Variants in CDC25C observed in about 807,000 individuals in gnomAD.
CDC25C encodes the protein M-phase inducer phosphatase 3.
In CDC25C, 48 loss-of-function variants were observed where a neutral mutation model predicts 52.5. That is an observed-to-expected ratio of 0.91 (90% CI 0.72 to 1.16). The LOEUF is 1.16. Ranked by LOEUF, CDC25C falls within the 50% of genes most tolerant of loss-of-function variation. CDC25C has a pLI of 0.00. For synonymous variants in CDC25C, 187 were observed against 206.5 expected, an observed-to-expected ratio of 0.91 and a Z score of 0.81; for missense variants, 510 against 566.1, an observed-to-expected ratio of 0.90 and a Z score of 1.01.
Position 138,289,505 on chromosome 5 carries a change from T to G in CDC25C, c.923A>C (p.Glu308Ala). The change falls in exon 10 of 14, where the codon GAA becomes GCA. Residue 308 changes from glutamate to alanine, a missense_variant. By Grantham distance (107) the Glu-to-Ala change is moderately radical (BLOSUM62 -1). Transcript: ENST00000323760. The part of the protein sequence containing the change: ...KHQDLKYVNP[E>A]TVAALLSGKF... ...CATCTCCAGAAATCTGCTTACTGTT[T>G]CTGGGTTGACATACTTCAGATCTTG... The G allele has an allele frequency of 1.2e-6, 2 of 1,612,596 alleles. No homozygotes were observed. The highest frequency in any genetic ancestry group is 1.7e-6 in the Non-Finnish European group (2 of 1,178,602).
At chr5:138,320,359 T>C (rs1306386227) in intron 6 of CDC25C, among the ~76,000 whole-genome samples, 1 of 151,934 alleles carries the variant, frequency 6.6e-6, no homozygotes, top group Admixed American at 6.6e-5. Context: ...GCAGATTTTG[T>C]ACACCTATGT....
intron 2 of CDC25C, among the ~76,000 whole-genome samples, chr5:138,330,159 C>T (rs1210368511): frequency 6.6e-6 from 1 of 152,018 alleles, no homozygotes; most frequent in Non-Finnish European, 1.5e-5. Flanking sequence ...ATAATCTGTA[C>T]TTTATTTTCT....
chr5:138,292,566 A>AGG (rs1756838151), intron 7 of CDC25C, among the ~76,000 whole-genome samples: 1 of 152,044 alleles, frequency 6.6e-6, no homozygotes, highest in African/African-American at 2.4e-5. Flanking sequence ...GGACCTCAAC[A>AGG]AACCTAAAGA....
intron 13 of CDC25C, 21 bp from the exon 14 acceptor site, chr5:138,285,862 T>A: frequency 6.2e-7 from 1 of 1,613,080 alleles, no homozygotes; most frequent in Non-Finnish European, 8.5e-7. Context: ...AGGAACAGAG[T>A]AAGGGATTCT....
intron 7 of CDC25C, among the ~76,000 whole-genome samples, chr5:138,300,751 C>G (rs1376044900): frequency 6.6e-6 from 1 of 152,068 alleles, no homozygotes; most frequent in Non-Finnish European, 1.5e-5. Flanking sequence ...CCATAAAAAC[C>G]AATCTTAATG....
chr5:138,295,812 G>A (rs1043642185), intron 7 of CDC25C, among the ~76,000 whole-genome samples: 3 of 152,012 alleles, frequency 2.0e-5, no homozygotes, highest in Non-Finnish European at 2.9e-5. Context: ...AGGATCATCT[G>A]GCTTAGATAG....
rs1282888258 is a variant in CDC25C at position 138,331,734 on chromosome 5, TGGGTAGGCCAACGTC to T, written c.-193_-179del. 3.0e-6 allele frequency: 3 copies of T among 989,152 alleles called. No homozygotes were observed. The African/African-American group carries it at 5.2e-5, about 17-fold the overall frequency. 61.3% of individuals were successfully genotyped at this position (989,152 alleles called of 1,614,324 possible). On this transcript the variant is annotated 5_prime_UTR_variant, in exon 1 of 14. Transcript: ENST00000323760. ...CTAGATTGCAGCTCTGCCTTCCGAC[TGGGTAGGCCAACGTC>T]GGACTCAGAGTCTTCCCTGAGCAGA...
upstream of CDC25C, among the ~76,000 whole-genome samples, chr5:138,333,994 C>T (rs1047871993): frequency 5.3e-5 from 8 of 151,758 alleles, no homozygotes; most frequent in Non-Finnish European, 1.0e-4. Context: ...AGTACAGTGG[C>T]GCAATCTTGG....
At chr5:138,291,738 G>A (rs1210958254) in intron 8 of CDC25C, among the ~76,000 whole-genome samples, 1 of 150,552 alleles carries the variant, frequency 6.6e-6, no homozygotes, top group African/African-American at 2.4e-5. Context: ...ATTTCTAAAA[G>A]TACAATATAG....
chr5:138,305,908 A>T (rs2126729421), intron 7 of CDC25C, among the ~76,000 whole-genome samples: 1 of 152,310 alleles, frequency 6.6e-6, no homozygotes, highest in Non-Finnish European at 1.5e-5. Context: ...CAAAAAGCAA[A>T]GGGTTGGTCC....
chr5:138,308,298 A>T (rs548014338), intron 7 of CDC25C, among the ~76,000 whole-genome samples: 9 of 152,230 alleles, frequency 5.9e-5, no homozygotes, highest in Non-Finnish European at 1.3e-4. Flanking sequence ...CCAGAGAAAG[A>T]TTCAATTATG....
At chr5:138,321,508 CTTTGGGAGGCCGAGGCAGGTGG>C (rs2126802770) in intron 6 of CDC25C, among the ~76,000 whole-genome samples, 1 of 152,134 alleles carries the variant, frequency 6.6e-6, no homozygotes, top group Admixed American at 6.6e-5. Context: ...AATCCCAGCA[CTTTGGGAGGCCGAGGCAGGTGG>C]ATCACGAGGT....
chr5:138,310,409 A>G (rs556415591), intron 7 of CDC25C, among the ~76,000 whole-genome samples: 68 of 151,892 alleles, frequency 4.5e-4, no homozygotes, highest in African/African-American at 1.6e-3. Flanking sequence ...CACTTTTAAG[A>G]CTCTCGCCTC....
chr5:138,333,786 C>T (rs1282400166), upstream of CDC25C: 1 of 152,116 alleles, frequency 6.6e-6, no homozygotes, highest in Middle Eastern at 3.2e-3. Context: ...AGCCAAGTGG[C>T]TTTAGTTCAA....
At chr5:138,329,773 C>G (rs3734167) in intron 2 of CDC25C, 126 bp from the exon 3 acceptor site, 120,061 of 483,360 alleles carry the variant, frequency 0.25, 18,896 homozygotes, top group East Asian at 0.5. Flanking sequence ...CTCTGTCCCC[C>G]CAGCTCAAGT....
chr5:138,338,255 A>T, exon 1 of CDC25C: 3 of 1,107,390 alleles, frequency 2.7e-6, no homozygotes, highest in Non-Finnish European at 3.6e-6. Flanking sequence ...CGTGGGGCGA[A>T]CCGAGCGCTC....
rs570833035 is a variant in CDC25C, at chr5:138,313,625, T to C, written c.615+5594A>G. Among the ~76,000 whole-genome samples, 7 of 152,260 alleles carry C rather than the reference T, an allele frequency of 4.6e-5. No individual in the cohort carries two copies. The East Asian group carries it at 1.2e-3, about 25-fold the overall frequency. On this transcript the variant is annotated intron_variant, in intron 7 of 13. Coordinates refer to ENST00000323760, the MANE Select transcript of CDC25C (RefSeq NM_001790.5). ...CCTTTCTGATTCCTGGCTAATATTA[T>C]TCCTATATGTGTCTACTTCATTATC...
chr5:138,319,296 G>C lies in CDC25C; in HGVS notation c.538C>G (p.Pro180Ala). ...ITTVPKLDKN[P>A]NLGEDQAEEI... ...TCTGCCTGGTCTTCTCCTAGGTTTG[G>C]ATTTTTATCCAATTTTGGAACAGTA... The change falls in exon 7 of 14, where the codon CCA becomes GCA. Residue 180 changes from proline to alanine, a missense_variant. Coordinates refer to ENST00000323760, the MANE Select transcript of CDC25C (RefSeq NM_001790.5). The C allele has an allele frequency of 6.2e-7, 1 of 1,613,242 alleles. No homozygotes were observed. Among genetic ancestry groups the C allele is most frequent in the Non-Finnish European group, 8.5e-7 (1 of 1,179,336 alleles).
chr5:138,309,453 AG>A (rs1758276189), intron 7 of CDC25C, among the ~76,000 whole-genome samples: 1 of 151,924 alleles, frequency 6.6e-6, no homozygotes, highest in African/African-American at 2.4e-5. Flanking sequence ...CCCACCTGGG[AG>A]GTTGAGGCAG....
Sources: gnomAD v4.1 joint callset for allele counts (sites outside exome capture counted in the v4.1 genomes callset) on GRCh38, gnomAD v4.1.1 for gene constraint, MANE v1.5 for transcripts, NCBI Gene and HGNC (gene_info 2026-07-23, HGNC 2026-07-21) for gene names.